TNFRSF11A: variants seen among roughly 807,000 people sequenced by gnomAD.
The protein encoded by TNFRSF11A is tumor necrosis factor receptor superfamily member 11A.
Under a neutral mutation model 55.7 loss-of-function variants are expected in TNFRSF11A, and 32 were observed. The observed-to-expected ratio is 0.57, with a 90% CI of 0.43 to 0.77. The LOEUF is 0.77. Ranked by LOEUF, TNFRSF11A falls within the 30% of genes least tolerant of loss-of-function variation. The pLI, the probability that TNFRSF11A is intolerant of heterozygous loss-of-function variation, is 0.00. For synonymous variants in TNFRSF11A, 311 were observed against 331.0 expected (o/e 0.94, Z 0.65); for missense variants, 753 against 809.8 (o/e 0.93, Z 0.85).
chr18:62,325,591 A>C lies in TNFRSF11A; in HGVS notation c.75+164A>C, dbSNP rs1215527921. Among the ~76,000 whole-genome samples, 3 of 151,608 alleles carry C rather than the reference A, an allele frequency of 2.0e-5. No individual in the cohort carries two copies. Among genetic ancestry groups the C allele is most frequent in the Non-Finnish European group, 4.4e-5 (3 of 67,810 alleles). ...GCTGGGGAGGCGCTTCCAGAGTTGG[A>C]CGGCGGAGGGCGGGAAAGGGCAAGC... On this transcript the variant is annotated intron_variant, in intron 1 of 9. Coordinates refer to ENST00000586569, the MANE Select transcript of TNFRSF11A (RefSeq NM_003839.4). The surrounding 1 kb of genome is among the most constrained non-coding windows in gnomAD (Gnocchi z 4.7).
In TNFRSF11A at chr18:62,337,025, GA is replaced by G. The variant is rs1048554143; in HGVS notation, c.76-11140del. Reference sequence around the variant, plus strand: ...TCTGGAATCAAGGTGGTCAGAGGGGGAAATGCTGATGGGCCCAATAACAAGC... The same window carrying G: ...TCTGGAATCAAGGTGGTCAGAGGGGGAATGCTGATGGGCCCAATAACAAGC... On this transcript the variant is annotated intron_variant, in intron 1 of 9. Coordinates refer to ENST00000586569, the MANE Select transcript of TNFRSF11A (RefSeq NM_003839.4). 5.1e-4 allele frequency among the ~76,000 whole-genome samples: 78 copies of G among 152,256 alleles called. 1 individual carries two copies. The highest frequency in any genetic ancestry group is 1.6e-3 in the African/African-American group (65 of 41,536).
At chr18:62,368,674 C>A (rs1476966642) in intron 8 of TNFRSF11A, 27 bp from the exon 9 acceptor site, 1 of 1,613,612 alleles carries the variant, frequency 6.2e-7, no homozygotes, top group Non-Finnish European at 8.5e-7. Flanking sequence ...GTATTAATGC[C>A]TCTGCCTTCT....
In TNFRSF11A at chr18:62,369,071, G is replaced by C; in HGVS notation, c.1154G>C (p.Ser385Thr). The change falls in exon 9 of 10, where the codon AGT becomes ACT. Residue 385 changes from serine (S) to threonine (T), a missense_variant. Ser to Thr is a moderately conservative substitution (Grantham distance 58). Coordinates refer to ENST00000586569, the MANE Select transcript of TNFRSF11A (RefSeq NM_003839.4). ...CCCCTGGAGGTGGGGGAGAATGACA[G>C]TTTAAGCCAGTGCTTCACGGGGACA... ...SEPLEVGENDSLSQCFTGTQS... is the reference protein window; with the variant it reads ...SEPLEVGENDTLSQCFTGTQS... 5 of 1,614,126 alleles carry C rather than the reference G, an allele frequency of 3.1e-6. No individual in the cohort carries two copies. The highest frequency in any genetic ancestry group is 1.3e-5 in the African/African-American group (1 of 75,066).
chr18:62,357,508 T>C (rs1041673552), intron 4 of TNFRSF11A, among the ~76,000 whole-genome samples: 1 of 152,240 alleles, frequency 6.6e-6, no homozygotes, highest in Admixed American at 6.5e-5. Flanking sequence ...AGTAAAGTTT[T>C]ATTGGAACAC....
intron 1 of TNFRSF11A, among the ~76,000 whole-genome samples, chr18:62,341,044 C>A (rs569935524): frequency 2.1e-4 from 32 of 152,252 alleles, no homozygotes; most frequent in Admixed American, 1.3e-4. Flanking sequence ...ATCTGCCGAG[C>A]TTATTTAAAA....
In TNFRSF11A at chr18:62,347,913, A is replaced by C. The variant is rs374818394; in HGVS notation, c.76-255A>C. Among the ~76,000 whole-genome samples the C allele has an allele frequency of 1.4e-3, 199 of 140,252 alleles. 1 individual carries two copies. Among genetic ancestry groups the C allele is most frequent in the African/African-American group, 4.7e-3 (178 of 38,098 alleles). 92.0% of individuals were successfully genotyped at this position (140,252 alleles called of 152,430 possible). A position where few individuals can be genotyped will look rare whatever the true frequency, so the allele number is the denominator to read the frequency against. On this transcript the variant is annotated intron_variant, in intron 1 of 9. Coordinates refer to ENST00000586569, the MANE Select transcript of TNFRSF11A (RefSeq NM_003839.4). ...AGCAAGACTCTGTCTAAAAAAAAAAACAAAAAAACAAAAAAAAACCCTGTA... is the reference window on the plus strand; with the variant it reads ...AGCAAGACTCTGTCTAAAAAAAAAACCAAAAAAACAAAAAAAAACCCTGTA...
chr18:62,378,319 G>A (rs1911035918), intron 9 of TNFRSF11A, among the ~76,000 whole-genome samples: 1 of 152,214 alleles, frequency 6.6e-6, no homozygotes, highest in Non-Finnish European at 1.5e-5. Flanking sequence ...TGCGTGATGA[G>A]AAATGAGACT....
chr18:62,325,334 C>G lies in TNFRSF11A; in HGVS notation c.-19C>G, dbSNP rs754897383. The G allele has an allele frequency of 2.0e-6, 2 of 1,008,186 alleles. No homozygotes were observed. The highest frequency in any genetic ancestry group is 1.7e-5 in the African/African-American group (1 of 57,162). The allele number at this position is 1,008,186 out of a possible 1,614,324, so 62.5% of individuals were successfully genotyped here. On this transcript the variant is annotated 5_prime_UTR_variant, in exon 1 of 10. Coordinates refer to ENST00000586569, the MANE Select transcript of TNFRSF11A (RefSeq NM_003839.4). This position sits in a 1 kb window ranked among gnomAD's most constrained non-coding sequence, Gnocchi z 4.7. ...CAGAGGCCGCTGAGGCCGCGGCGCC[C>G]GCCAGCCTGTCCCGCGCCATGGCCC... is the stretch of plus-strand genomic sequence containing the variant.
intron 8 of TNFRSF11A, among the ~76,000 whole-genome samples, chr18:62,368,183 A>T (rs1910240328): frequency 6.6e-6 from 1 of 152,162 alleles, no homozygotes; most frequent in Non-Finnish European, 1.5e-5. Flanking sequence ...AACATGATTC[A>T]TTCTGGTCTT....
chr18:62,325,493 C>CT lies in TNFRSF11A; in HGVS notation c.75+66_75+67insT. On this transcript the variant is annotated intron_variant, in intron 1 of 9. Coordinates refer to ENST00000586569, the MANE Select transcript of TNFRSF11A (RefSeq NM_003839.4). The surrounding 1 kb of genome is among the most constrained non-coding windows in gnomAD (Gnocchi z 4.7). ...CCTCCTCGGGAGCCCCGGGAAGGGC[C>CT]GGGGCCGGCGGCATCCTGGCTCCTC... The CT allele has an allele frequency of 9.2e-7, 1 of 1,081,698 alleles. No homozygotes were observed. The allele number at this position is 1,081,698 out of a possible 1,614,324, so 67.0% of individuals were successfully genotyped here.
intron 3 of TNFRSF11A, among the ~76,000 whole-genome samples, chr18:62,352,189 C>T (rs1057016573): frequency 6.6e-6 from 1 of 152,238 alleles, no homozygotes; most frequent in African/African-American, 2.4e-5. Flanking sequence ...TGCTTCCATG[C>T]TTAGCTTGCA....
At chr18:62,328,665 G>C (rs1463242185) in intron 1 of TNFRSF11A, among the ~76,000 whole-genome samples, 1 of 152,196 alleles carries the variant, frequency 6.6e-6, no homozygotes, top group African/African-American at 2.4e-5. Flanking sequence ...GGGTGGGTGG[G>C]TGCTCTGTGC....
chr18:62,384,602 G>A, intron 9 of TNFRSF11A, 149 bp from the exon 10 acceptor site: 1 of 828,256 alleles, frequency 1.2e-6, no homozygotes, highest in Non-Finnish European at 1.9e-6. Flanking sequence ...CGCCTCAGTG[G>A]GCCTGGAGGG....
rs1911652139 is a variant in TNFRSF11A at position 62,385,400 on chromosome 18, A to T, written c.*366A>T. 5.1e-6 allele frequency: 1 copy of T among 196,252 alleles called. No individual in the cohort carries two copies. Among genetic ancestry groups the T allele is most frequent in the Non-Finnish European group, 1.0e-5 (1 of 99,420 alleles). The allele number at this position is 196,252 out of a possible 1,614,324, so 12.2% of individuals were successfully genotyped here. ...GTATTCCTTTTCATAACTTTTCTTG[A>T]TATCTTTCCTCCCTCTTTTTTAATG... On this transcript the variant is annotated 3_prime_UTR_variant, in exon 10 of 10. Transcript: ENST00000586569.
At chr18:62,336,343 GATT>G (rs2046232718) in intron 1 of TNFRSF11A, 1 of 152,364 alleles carries the variant, frequency 6.6e-6, no homozygotes, top group East Asian at 1.9e-4. Flanking sequence ...AGAAGCACTG[GATT>G]TCACCCTGAA....
At chr18:62,356,426 G>A (rs903211502) in intron 4 of TNFRSF11A, among the ~76,000 whole-genome samples, 3 of 152,182 alleles carry the variant, frequency 2.0e-5, no homozygotes, top group Admixed American at 6.5e-5. Flanking sequence ...TTCTAAAATA[G>A]AAGAGGCCCA....
chr18:62,363,588 C>T (rs1293534772), intron 7 of TNFRSF11A, among the ~76,000 whole-genome samples: 3 of 151,924 alleles, frequency 2.0e-5, no homozygotes, highest in South Asian at 2.1e-4. Flanking sequence ...AGGCTGGTCT[C>T]GAACTCCTGA....
In TNFRSF11A at chr18:62,358,305, C is replaced by T; in HGVS notation, c.485C>T (p.Ala162Val). 3 of 1,612,958 alleles carry T rather than the reference C, an allele frequency of 1.9e-6. No individual in the cohort carries two copies. The highest frequency in any genetic ancestry group is 2.5e-6 in the Non-Finnish European group (3 of 1,179,628). ...KPCLAGYFSD[A>V]FSSTDKCRPW... is the part of the protein sequence containing the mutation. ...TGCCTTGCAGGCTACTTCTCTGATG[C>T]CTTTTCCTCCACGGACAAATGCAGA... Residue 162 changes from alanine to valine, a missense_variant, in exon 5 of 10, where the codon GCC becomes GTC. Physicochemically the swap from Ala to Val is moderately conservative, Grantham distance 64. This residue lies in a region of TNFRSF11A where 567 missense variants were observed against 596.7 expected (regional missense o/e 0.95). Coordinates refer to ENST00000586569, the MANE Select transcript of TNFRSF11A (RefSeq NM_003839.4).
intron 1 of TNFRSF11A, among the ~76,000 whole-genome samples, chr18:62,347,884 A>AC (rs2046406523): frequency 6.7e-6 from 1 of 148,884 alleles, no homozygotes; most frequent in Non-Finnish European, 1.5e-5. Context: ...AGCCTGGGCA[A>AC]TAGAGCAAGA....
Sources: allele counts gnomAD v4.1 joint callset (sites outside exome capture counted in the v4.1 genomes callset), GRCh38; gene constraint gnomAD v4.1.1; regional missense constraint gnomAD v4.1.1; non-coding constraint Gnocchi (gnomAD v3.1); transcripts MANE v1.5; gene names NCBI Gene and HGNC (gene_info 2026-07-23, HGNC 2026-07-21).